BLTP2: variants seen among roughly 807,000 people sequenced by gnomAD.
The protein encoded by BLTP2 is U937-associated antigen.
chr17:28,625,789 G>T, the BLTP2 span, among the ~76,000 whole-genome samples: 4,710 of 152,050 alleles, frequency 0.031, 111 homozygotes, highest in Middle Eastern at 0.11. Context: ...CCTTGAGATG[G>T]AGTTTCACTC....
At chr17:28,623,658 G>C in the BLTP2 span, 1 of 950,594 alleles carries the variant, frequency 1.1e-6, no homozygotes. Flanking sequence ...TCATTATTCT[G>C]CTAAGCTAGT....
At chr17:28,641,913 C>T in the BLTP2 span, 14 of 1,613,486 alleles carry the variant, frequency 8.7e-6, no homozygotes, top group Middle Eastern at 3.3e-4. Context: ...GGCTTAGATG[C>T]TAGGCTTGGG....
the BLTP2 span, chr17:28,631,512 G>C: frequency 1.2e-6 from 2 of 1,614,186 alleles, no homozygotes; most frequent in Non-Finnish European, 1.7e-6. Context: ...GCCGTTGGTA[G>C]GTGAGGGAGG....
At chr17:28,638,884 C>T in the BLTP2 span, among the ~76,000 whole-genome samples, 1 of 152,078 alleles carries the variant, frequency 6.6e-6, no homozygotes, top group Non-Finnish European at 1.5e-5. Context: ...TTTTCATAGG[C>T]CAAATACAAT....
the BLTP2 span, among the ~76,000 whole-genome samples, chr17:28,627,384 C>G: frequency 3.9e-5 from 6 of 152,158 alleles, no homozygotes; most frequent in East Asian, 1.2e-3. Context: ...GGTATTCCCC[C>G]CTTCACTCCT....
the BLTP2 span, among the ~76,000 whole-genome samples, chr17:28,640,907 GA>G: frequency 3.3e-5 from 5 of 152,214 alleles, no homozygotes; most frequent in Non-Finnish European, 7.3e-5. Flanking sequence ...GTTGGTAAAT[GA>G]AAAGAATGTG....
the BLTP2 span, chr17:28,637,136 G>T: frequency 1.2e-6 from 2 of 1,614,120 alleles, no homozygotes; most frequent in South Asian, 2.2e-5. Flanking sequence ...CACTGCCCAG[G>T]ATAGTTAGGG....
chr17:28,640,890 G>A, the BLTP2 span, among the ~76,000 whole-genome samples: 1 of 152,222 alleles, frequency 6.6e-6, no homozygotes, highest in African/African-American at 2.4e-5. Flanking sequence ...AAGAGTACAA[G>A]GAGCAGGTTG....
At chr17:28,616,082 T>C in the BLTP2 span, 1 of 1,597,914 alleles carries the variant, frequency 6.3e-7, no homozygotes, top group Non-Finnish European at 8.6e-7. The surrounding 1 kb of genome is among the most constrained non-coding windows in gnomAD (Gnocchi z 4.8). Context: ...ACAAAGTGCT[T>C]GAGAGGTGCA....
chr17:28,614,958 G>T, the BLTP2 span: 2 of 1,072,754 alleles, frequency 1.9e-6, no homozygotes, highest in Non-Finnish European at 1.4e-6. Flanking sequence ...TATGGGCTCT[G>T]ACACCCACAA....
the BLTP2 span, chr17:28,634,475 C>T: frequency 8.3e-6 from 13 of 1,568,370 alleles, no homozygotes; most frequent in South Asian, 2.4e-5. Context: ...CAGAGCTCAG[C>T]GGGCAAACAC....
chr17:28,632,968 T>C, the BLTP2 span: 2 of 1,548,892 alleles, frequency 1.3e-6, no homozygotes, highest in African/African-American at 1.4e-5. Flanking sequence ...CAGATCCATC[T>C]TGATGGAGAG....
the BLTP2 span, chr17:28,620,898 A>T: frequency 8.0e-7 from 1 of 1,249,358 alleles, no homozygotes; most frequent in Non-Finnish European, 1.1e-6. Context: ...GTGGATTTTT[A>T]ATAACTCTAC....
chr17:28,620,080 T>C, the BLTP2 span: 361 of 1,459,948 alleles, frequency 2.5e-4, 3 homozygotes, highest in African/African-American at 4.3e-3. Context: ...TAAAGTGAAA[T>C]AGAGAAAGGA....
the BLTP2 span, chr17:28,643,716 C>T: frequency 2.0e-6 from 3 of 1,495,634 alleles, no homozygotes; most frequent in Non-Finnish European, 2.8e-6. Context: ...CCACGAGCAG[C>T]TTGACAAGCC....
chr17:28,644,632 G>A, the BLTP2 span, among the ~76,000 whole-genome samples: 8 of 152,198 alleles, frequency 5.3e-5, no homozygotes, highest in Admixed American at 5.2e-4. Context: ...TCCCCAGACC[G>A]ATGCTGCAGG....
the BLTP2 span, among the ~76,000 whole-genome samples, chr17:28,626,740 T>C: frequency 1.3e-5 from 2 of 152,240 alleles, no homozygotes; most frequent in African/African-American, 4.8e-5. Context: ...ATAGCATGCC[T>C]GCCTGGGGAG....
At chr17:28,623,776 C>T in the BLTP2 span, 21 of 1,614,004 alleles carry the variant, frequency 1.3e-5, no homozygotes, top group East Asian at 4.5e-5. Flanking sequence ...CCAGAGCTGT[C>T]GGCCATCCTG....
At chr17:28,634,473 AGC>A in the BLTP2 span, 1 of 1,568,256 alleles carries the variant, frequency 6.4e-7, no homozygotes, top group Non-Finnish European at 8.6e-7. Context: ...CCCAGAGCTC[AGC>A]GGGCAAACAC....
Sources: gnomAD v4.1 joint callset for allele counts (sites outside exome capture counted in the v4.1 genomes callset) on GRCh38, gnomAD v4.1.1 for gene constraint, Gnocchi (gnomAD v3.1) non-coding constraint, MANE v1.5 for transcripts, NCBI Gene and HGNC (gene_info 2026-07-23, HGNC 2026-07-21) for gene names.